ZNF487: variants seen among roughly 807,000 people sequenced by gnomAD.
The protein encoded by ZNF487 is zinc finger protein 487.
A neutral mutation model predicts 3.0 loss-of-function variants in ZNF487; 4 were observed. That is an observed-to-expected ratio of 1.35 (90% confidence interval 0.66 to 3.08). The LOEUF (loss-of-function observed/expected upper bound fraction) is 3.08, where lower values mean the gene tolerates loss of function less well. ZNF487 is among the 30% of genes most tolerant of loss of function. The pLI, the probability that ZNF487 is intolerant of heterozygous loss-of-function variation, is 0.01. For missense variants in ZNF487, 146 were observed against 98.7 expected, an observed-to-expected ratio of 1.48 and a Z score of -2.03; for synonymous variants, 55 against 34.6, an observed-to-expected ratio of 1.59 and a Z score of -2.06.
rs1310637166 is a variant in ZNF487 at position 43,437,180 on chromosome 10, A to G, written c.-176A>G. ...TGTAAGTTCCTCAGCTACGACTACC[A>G]GGTACCTCGGGTTCCTCCCTCCTCC... is the stretch of plus-strand genomic sequence containing the variant. On this transcript the variant is annotated 5_prime_UTR_variant, in exon 1 of 4. Transcript: ENST00000437590. 1 of 264,616 alleles carries G rather than the reference A, an allele frequency of 3.8e-6. No individual in the cohort carries two copies. The highest frequency in any genetic ancestry group is 7.5e-6 in the Non-Finnish European group (1 of 132,494). The allele number at this position is 264,616 out of a possible 1,614,324, so 16.4% of individuals were successfully genotyped here.
rs547239395 is a variant in ZNF487, at chr10:43,440,058, T to A, written c.-94+2796T>A. Among the ~76,000 whole-genome samples the A allele has an allele frequency of 8.5e-3, 1,276 of 150,666 alleles. 17 individuals carry two copies. Among genetic ancestry groups the A allele is most frequent in the African/African-American group, 0.029 (1,204 of 41,320 alleles). On this transcript the variant is annotated intron_variant, in intron 1 of 3. Coordinates refer to ENST00000437590, the MANE Select transcript of ZNF487 (RefSeq NM_001355444.3). ...TTTTGTTTTATATATATATATATTT[T>A]TTTTTTTGAGGCGAAGTTTCACTCA...
intron 1 of ZNF487, among the ~76,000 whole-genome samples, chr10:43,441,655 C>T (rs1174377937): frequency 3.3e-5 from 5 of 152,058 alleles, no homozygotes; most frequent in African/African-American, 9.7e-5. Flanking sequence ...GGTGCGATCT[C>T]GGCTCACTGC....
At chr10:43,462,889 C>T (rs1231814531) in intron 1 of ZNF487, among the ~76,000 whole-genome samples, 2 of 152,028 alleles carry the variant, frequency 1.3e-5, no homozygotes, top group African/African-American at 4.8e-5. Flanking sequence ...CCTGCCTCAG[C>T]CCCCTGAGTA....
chr10:43,437,069 G>A (rs149050767), upstream of ZNF487: 857 of 312,330 alleles, frequency 2.7e-3, 7 homozygotes, highest in African/African-American at 0.019. Flanking sequence ...ACTGGCGGGC[G>A]CCCGGGATTC....
At chr10:43,452,741 T>C (rs931405445) in intron 1 of ZNF487, 2 of 152,034 alleles carry the variant, frequency 1.3e-5, no homozygotes, top group Non-Finnish European at 2.9e-5. Context: ...CTTTACATAT[T>C]CTCTCTGTGC....
the ZNF487 span, among the ~76,000 whole-genome samples, chr10:43,507,525 G>C: frequency 0.73 from 111,214 of 151,804 alleles, 41,867 homozygotes; most frequent in East Asian, 0.93. Context: ...GCCCACAACC[G>C]AGGAGCTGAT....
chr10:43,486,507 CAA>C (rs766918903), downstream of ZNF487, among the ~76,000 whole-genome samples: 4 of 146,352 alleles, frequency 2.7e-5, no homozygotes, highest in Non-Finnish European at 6.0e-5. Flanking sequence ...GCCTGGGCAA[CAA>C]GAGTGAAACT....
rs538065154 is a variant in ZNF487 at position 43,444,169 on chromosome 10, C to G, written c.-94+6907C>G. Among the ~76,000 whole-genome samples the G allele has an allele frequency of 9.2e-5, 14 of 152,224 alleles. No individual in the cohort carries two copies. In the East Asian group the frequency reaches 1.4e-3, roughly 15 times the overall value. ...CGCCCGGCTCCTAAAAGTTTTCTAA[C>G]AAAGCTCCTTCTCTCCTTGTCCTTT... On this transcript the variant is annotated intron_variant, in intron 1 of 3. Transcript: ENST00000437590.
chr10:43,461,752 A>T (rs1387130830), intron 1 of ZNF487, among the ~76,000 whole-genome samples: 3 of 151,994 alleles, frequency 2.0e-5, no homozygotes, highest in African/African-American at 7.3e-5. Flanking sequence ...ACAGCAGTGA[A>T]TTTTTCTAGG....
chr10:43,441,988 A>T (rs1302929925), intron 1 of ZNF487, among the ~76,000 whole-genome samples: 5 of 152,056 alleles, frequency 3.3e-5, no homozygotes, highest in African/African-American at 1.2e-4. Context: ...GTGCTTTGGG[A>T]GGTAGAGGCG....
chr10:43,522,928 G>T, the ZNF487 span, among the ~76,000 whole-genome samples: 1 of 151,964 alleles, frequency 6.6e-6, no homozygotes, highest in Non-Finnish European at 1.5e-5. Context: ...ACTATTCAAT[G>T]CTTTCGATGA....
rs181064798 is a variant in ZNF487 at position 43,474,296 on chromosome 10, A to G, written c.-93-1425A>G. 7.9e-5 allele frequency among the ~76,000 whole-genome samples: 12 copies of G among 152,114 alleles called. No homozygotes were observed. The East Asian group carries it at 2.0e-3, about 25-fold the overall frequency. On this transcript the variant is annotated intron_variant, in intron 1 of 3. Transcript: ENST00000437590. ...TGATGAAACCCTGTCTCTACTAAAA[A>G]TACAAAAATGAGCCAGGCGTGGTGG...
chr10:43,489,219 G>A, the ZNF487 span, among the ~76,000 whole-genome samples: 1 of 152,092 alleles, frequency 6.6e-6, no homozygotes, highest in African/African-American at 2.4e-5. Context: ...CTCATGCCAA[G>A]GAAGGAGGAT....
At chr10:43,464,711 T>C (rs2132102647) in intron 1 of ZNF487, among the ~76,000 whole-genome samples, 1 of 152,314 alleles carries the variant, frequency 6.6e-6, no homozygotes, top group Non-Finnish European at 1.5e-5. Context: ...ATCAACAGGA[T>C]CCCAAGGCAG....
intron 1 of ZNF487, among the ~76,000 whole-genome samples, chr10:43,474,623 C>G (rs1841027151): frequency 6.6e-6 from 1 of 152,044 alleles, no homozygotes; most frequent in African/African-American, 2.4e-5. Context: ...AGCTCTGTCA[C>G]CCAGGCTGGA....
chr10:43,456,170 C>A (rs1840193215), intron 1 of ZNF487, among the ~76,000 whole-genome samples: 1 of 152,174 alleles, frequency 6.6e-6, no homozygotes, highest in African/African-American at 2.4e-5. Flanking sequence ...TTTTGAAGAA[C>A]CAACCCGAGA....
At chr10:43,475,930 AT>A (rs1841083950) in intron 2 of ZNF487, 83 bp downstream of exon 2, 8 of 662,980 alleles carry the variant, frequency 1.2e-5, no homozygotes, top group Middle Eastern at 2.5e-4. Flanking sequence ...TTGTATGAAT[AT>A]GAGTTAAAGG....
At chr10:43,471,751 C>G (rs771084190) in intron 1 of ZNF487, among the ~76,000 whole-genome samples, 1 of 152,152 alleles carries the variant, frequency 6.6e-6, no homozygotes, top group Non-Finnish European at 1.5e-5. Flanking sequence ...CTGTCTCCCC[C>G]TCTACTGACT....
the ZNF487 span, among the ~76,000 whole-genome samples, chr10:43,517,668 C>A: frequency 6.6e-6 from 1 of 152,290 alleles, no homozygotes; most frequent in Non-Finnish European, 1.5e-5. Context: ...CCCTCCATAC[C>A]AGCTGCCCAT....
Sources: allele counts gnomAD v4.1 joint callset (sites outside exome capture counted in the v4.1 genomes callset), GRCh38; gene constraint gnomAD v4.1.1; transcripts MANE v1.5; gene names NCBI Gene and HGNC (gene_info 2026-07-23, HGNC 2026-07-21).